Variants in SGCZ observed in about 807,000 individuals in gnomAD.
SGCZ encodes zeta-sarcoglycan.
Under a neutral mutation model 41.3 loss-of-function variants are expected in SGCZ, and 40 were observed. The ratio of observed to expected loss-of-function variants is 0.97; its 90% confidence interval spans 0.75 to 1.26. SGCZ has a LOEUF of 1.26. Among genes scored for constraint, SGCZ ranks in the 50% most tolerant of loss-of-function variants. The pLI, the probability that SGCZ is intolerant of heterozygous loss-of-function variation, is 0.00. For synonymous variants in SGCZ, 206 were observed against 137.5 expected (o/e 1.50, Z -3.49); for missense variants, 552 against 369.8 (o/e 1.49, Z -4.04).
chr8:15,179,362 G>A (rs765645336), intron 1 of SGCZ, among the ~76,000 whole-genome samples: 16 of 152,098 alleles, frequency 1.1e-4, no homozygotes, highest in Non-Finnish European at 2.1e-4. Flanking sequence ...AGAAAAAACT[G>A]AGAATACAGA....
At chr8:14,395,638 C>A (rs753161045) in intron 2 of SGCZ, among the ~76,000 whole-genome samples, 8 of 152,140 alleles carry the variant, frequency 5.3e-5, no homozygotes. Flanking sequence ...AGTGACCCCA[C>A]AAAAAGTTAC....
At chr8:14,183,787 T>C (rs1342094907) in intron 4 of SGCZ, among the ~76,000 whole-genome samples, 1 of 152,170 alleles carries the variant, frequency 6.6e-6, no homozygotes, top group Non-Finnish European at 1.5e-5. Context: ...ATTGTTAAGT[T>C]ATATTAAGCA....
chr8:14,681,427 G>A (rs923704607), intron 1 of SGCZ, among the ~76,000 whole-genome samples: 4 of 152,136 alleles, frequency 2.6e-5, no homozygotes, highest in African/African-American at 9.7e-5. Flanking sequence ...GAAATATAAT[G>A]TAAACCATCA....
chr8:14,534,145 C>A (rs1005829545), intron 2 of SGCZ, among the ~76,000 whole-genome samples: 40 of 151,936 alleles, frequency 2.6e-4, no homozygotes, highest in Admixed American at 1.5e-3. Flanking sequence ...GAAACTGGAG[C>A]TGAAGTGTTG....
chr8:14,337,921 C>T (rs1287100908), intron 2 of SGCZ, among the ~76,000 whole-genome samples: 1 of 151,988 alleles, frequency 6.6e-6, no homozygotes, highest in Non-Finnish European at 1.5e-5. Flanking sequence ...CAATGAGGGG[C>T]CAGGTCAGAG....
At chr8:14,646,119 C>T (rs553439997) in intron 1 of SGCZ, among the ~76,000 whole-genome samples, 5 of 151,684 alleles carry the variant, frequency 3.3e-5, no homozygotes, top group South Asian at 4.2e-4. Flanking sequence ...ATGGTTATAC[C>T]GCATGATGCT....
At chr8:14,582,185 C>A (rs1394865559) in intron 1 of SGCZ, among the ~76,000 whole-genome samples, 1 of 152,008 alleles carries the variant, frequency 6.6e-6, no homozygotes, top group Non-Finnish European at 1.5e-5. Context: ...GTATAACCTA[C>A]AAAATATATG....
At chr8:14,942,265 A>G (rs1019441216) in intron 1 of SGCZ, among the ~76,000 whole-genome samples, 1 of 151,976 alleles carries the variant, frequency 6.6e-6, no homozygotes, top group African/African-American at 2.4e-5. Context: ...TGAATAACAC[A>G]CTCCTTAAAA....
intron 1 of SGCZ, among the ~76,000 whole-genome samples, chr8:14,756,185 A>ATTTT (rs34700961): frequency 2.2e-5 from 3 of 136,142 alleles, no homozygotes; most frequent in Non-Finnish European, 3.1e-5. Flanking sequence ...GTAGAAGTAA[A>ATTTT]TTTTTTTTTT....
At chr8:15,114,343 G>A (rs1023603730) in intron 1 of SGCZ, among the ~76,000 whole-genome samples, 6 of 152,210 alleles carry the variant, frequency 3.9e-5, no homozygotes, top group East Asian at 1.9e-4. Context: ...TTGCTGTGTT[G>A]TAAAGTAAAA....
intron 1 of SGCZ, among the ~76,000 whole-genome samples, chr8:15,151,012 C>A (rs1799164420): frequency 6.6e-6 from 1 of 152,150 alleles, no homozygotes; most frequent in African/African-American, 2.4e-5. Context: ...AAGTGGTGGA[C>A]CTATTGGCTT....
chr8:14,107,988 G>A (rs1177767028), intron 6 of SGCZ, among the ~76,000 whole-genome samples, 175 bp downstream of exon 6: 7 of 151,814 alleles, frequency 4.6e-5, no homozygotes, highest in African/African-American at 1.7e-4. Context: ...CTGTATAACT[G>A]CCTTTGCCTT....
chr8:14,390,757 C>A (rs1364294527), intron 2 of SGCZ, among the ~76,000 whole-genome samples: 2 of 151,860 alleles, frequency 1.3e-5, no homozygotes, highest in African/African-American at 4.8e-5. Context: ...TAATTTTTCA[C>A]AATTTCATTG....
chr8:14,463,118 A>AT (rs748054903), intron 2 of SGCZ, among the ~76,000 whole-genome samples: 1 of 151,666 alleles, frequency 6.6e-6, no homozygotes, highest in Non-Finnish European at 1.5e-5. Context: ...TTAAGATCAT[A>AT]TTATCTGCAA....
chr8:15,055,097 C>T (rs1804657951), intron 1 of SGCZ, among the ~76,000 whole-genome samples: 1 of 152,060 alleles, frequency 6.6e-6, no homozygotes, highest in Non-Finnish European at 1.5e-5. Flanking sequence ...TGGTAGGGTA[C>T]ACAGGGCTCT....
chr8:15,077,085 T>C (rs1805560061), intron 1 of SGCZ, among the ~76,000 whole-genome samples: 2 of 152,226 alleles, frequency 1.3e-5, no homozygotes, highest in Admixed American at 6.5e-5. Context: ...TGGAATATTC[T>C]TGTTGGAGAC....
At chr8:15,116,963 A>G (rs748419419) in intron 1 of SGCZ, among the ~76,000 whole-genome samples, 2 of 152,234 alleles carry the variant, frequency 1.3e-5, no homozygotes, top group African/African-American at 2.4e-5. Context: ...ATAGACATTT[A>G]TGAATTTTTA....
intron 1 of SGCZ, among the ~76,000 whole-genome samples, chr8:15,178,415 G>A (rs2117080704): frequency 6.6e-6 from 1 of 152,128 alleles, no homozygotes; most frequent in Non-Finnish European, 1.5e-5. Context: ...ACCCCATGTA[G>A]CGAATGGGAC....
intron 2 of SGCZ, among the ~76,000 whole-genome samples, chr8:14,347,996 A>T (rs1210067082): frequency 6.6e-6 from 1 of 152,180 alleles, no homozygotes; most frequent in African/African-American, 2.4e-5. Context: ...ATTCCCTTGC[A>T]TCATGCACGC....
Sources: gnomAD v4.1 joint callset for allele counts (sites outside exome capture counted in the v4.1 genomes callset) on GRCh38, gnomAD v4.1.1 for gene constraint, MANE v1.5 for transcripts, NCBI Gene and HGNC (gene_info 2026-07-23, HGNC 2026-07-21) for gene names.